FAM149B1: variants seen among roughly 807,000 people sequenced by gnomAD.
FAM149B1 encodes the protein primary cilium assembly protein FAM149B1.
A neutral mutation model predicts 75.3 loss-of-function variants in FAM149B1; 56 were observed. That is an observed-to-expected ratio of 0.74 (90% CI 0.60 to 0.93). The LOEUF (loss-of-function observed/expected upper bound fraction) is 0.93. Ranked by LOEUF, FAM149B1 falls within the 40% of genes least tolerant of loss-of-function variation. The pLI is 0.00. For missense variants in FAM149B1, 639 were observed against 708.4 expected, an observed-to-expected ratio of 0.90 and a Z score of 1.11; for synonymous variants, 259 against 256.1, an observed-to-expected ratio of 1.01 and a Z score of -0.11.
At chr10:73,201,109 GA>G in intron 5 of FAM149B1, 2 of 278,118 alleles carry the variant, frequency 7.2e-6, no homozygotes, top group South Asian at 4.9e-5. Context: ...CAATTTGGTA[GA>G]AAAGGTGTGG....
chr10:73,239,443 TTGTC>T, intron 13 of FAM149B1, 59 bp downstream of exon 13: 1 of 1,304,718 alleles, frequency 7.7e-7, no homozygotes, highest in East Asian at 2.5e-5. Context: ...GACCCAGCCT[TTGTC>T]TTTTTTCCTA....
Position 73,191,283 on chromosome 10 carries a change from C to T in FAM149B1, c.283-1273C>T, listed in dbSNP as rs185781660. Reference sequence around the variant, plus strand: ...TCGAACTCCTGACTTCAGGATCTCCCGCCTCGGCCTCCCAAATTGCTGGGA... The same window carrying T: ...TCGAACTCCTGACTTCAGGATCTCCTGCCTCGGCCTCCCAAATTGCTGGGA... On this transcript the variant is annotated intron_variant, in intron 3 of 13. Coordinates refer to ENST00000242505, the MANE Select transcript of FAM149B1 (RefSeq NM_173348.2). Among the ~76,000 whole-genome samples the T allele has an allele frequency of 2.6e-3, 396 of 150,762 alleles. 2 individuals are homozygous for T. Among genetic ancestry groups the T allele is most frequent in the African/African-American group, 8.3e-3 (341 of 40,968 alleles).
chr10:73,204,450 T>TA (rs900476787), intron 5 of FAM149B1, among the ~76,000 whole-genome samples: 34 of 151,050 alleles, frequency 2.3e-4, no homozygotes, highest in African/African-American at 5.1e-4. Flanking sequence ...ATTTTCCTAA[T>TA]AAAAAAAAAT....
chr10:73,242,146 A>C lies in FAM149B1; in HGVS notation c.*1127A>C, dbSNP rs1361202584. 1.3e-5 allele frequency: 2 copies of C among 152,208 alleles called. No homozygotes were observed. Among genetic ancestry groups the C allele is most frequent in the African/African-American group, 2.4e-5 (1 of 41,454 alleles). The allele number at this position is 152,208 out of a possible 1,614,324, so 9.4% of individuals were successfully genotyped here. A position where few individuals can be genotyped will look rare whatever the true frequency, so the allele number is the denominator to read the frequency against. On this transcript the variant is annotated 3_prime_UTR_variant, in exon 14 of 14. Transcript: ENST00000242505. ...TGCTTCAAACAACCTGCATTAAATT[A>C]TATTTTTAATAAAATTAAAATCTAT...
intron 7 of FAM149B1, among the ~76,000 whole-genome samples, chr10:73,221,610 C>T (rs1213670897): frequency 6.6e-6 from 1 of 151,920 alleles, no homozygotes; most frequent in African/African-American, 2.4e-5. Context: ...CTATGATGTG[C>T]CTTAATGTAG....
At position 73,192,556 on chromosome 10, in the gene FAM149B1, G is replaced by A. The variant is rs1252321585; in HGVS notation, c.283G>A (p.Glu95Lys). 1 of 1,549,780 alleles carries A rather than the reference G, an allele frequency of 6.5e-7. No homozygotes were observed. Among genetic ancestry groups the A allele is most frequent in the Non-Finnish European group, 8.7e-7 (1 of 1,146,468 alleles). The change falls in exon 4 of 14, where the codon GAA (glutamate) becomes AAA (lysine). Residue 95 changes from glutamate (E) to lysine (K), a missense_variant and splice_region_variant. Physicochemically the swap from Glu to Lys is moderately conservative, Grantham distance 56. Transcript: ENST00000242505. ...GSSDFSWGYG[E>K]LDQNATEKVQ... ...ATTTGGGGGGAATATTTTCTTCTAG[G>A]AACTCGATCAAAATGCCACTGAAAA...
chr10:73,187,899 A>G (rs1480189010), intron 3 of FAM149B1, among the ~76,000 whole-genome samples: 1 of 152,064 alleles, frequency 6.6e-6, no homozygotes, highest in Non-Finnish European at 1.5e-5. Flanking sequence ...CCTGGCCAAC[A>G]TGGTGAAACC....
At chr10:73,188,149 G>A (rs143162443) in intron 3 of FAM149B1, among the ~76,000 whole-genome samples, 24 of 152,236 alleles carry the variant, frequency 1.6e-4, no homozygotes, top group African/African-American at 2.4e-5. Flanking sequence ...CAATAGAACA[G>A]AATTGAGAGT....
chr10:73,177,751 C>T, intron 2 of FAM149B1, 95 bp from the exon 3 acceptor site: 1 of 1,048,738 alleles, frequency 9.5e-7, no homozygotes, highest in South Asian at 1.4e-5. Context: ...ACATGTTAAT[C>T]ACCTAGTAAG....
At chr10:73,226,984 A>G (rs975635741) in intron 7 of FAM149B1, among the ~76,000 whole-genome samples, 2 of 152,104 alleles carry the variant, frequency 1.3e-5, no homozygotes, top group Non-Finnish European at 2.9e-5. Flanking sequence ...AGTATATAAA[A>G]CTCTGGTGAA....
chr10:73,198,494 A>C (rs1165855415), intron 5 of FAM149B1, among the ~76,000 whole-genome samples: 1 of 152,186 alleles, frequency 6.6e-6, no homozygotes, highest in Non-Finnish European at 1.5e-5. Context: ...ATAATCTATA[A>C]CCTAACAACA....
chr10:73,171,850 G>A (rs1156469392), intron 1 of FAM149B1, among the ~76,000 whole-genome samples: 4 of 151,856 alleles, frequency 2.6e-5, no homozygotes, highest in Non-Finnish European at 5.9e-5. Flanking sequence ...GGATGGTCTC[G>A]ATCTCCTGAC....
At chr10:73,179,613 T>A (rs1192422563) in intron 3 of FAM149B1, among the ~76,000 whole-genome samples, 2 of 151,612 alleles carry the variant, frequency 1.3e-5, no homozygotes, top group Admixed American at 6.6e-5. Context: ...GATCTGGAAC[T>A]CCTGGCCTCA....
intron 9 of FAM149B1, among the ~76,000 whole-genome samples, chr10:73,231,878 C>T (rs751767603): frequency 1.4e-4 from 21 of 149,894 alleles, no homozygotes; most frequent in Non-Finnish European, 2.8e-4. Flanking sequence ...GAACATAGGG[C>T]AGCTAAAGCC....
intron 5 of FAM149B1, among the ~76,000 whole-genome samples, chr10:73,197,493 G>C (rs2042833089): frequency 6.6e-6 from 1 of 152,202 alleles, no homozygotes; most frequent in African/African-American, 2.4e-5. Context: ...ATTCCAGCCA[G>C]GCACGGTGGC....
At chr10:73,226,888 A>G (rs563754876) in intron 7 of FAM149B1, among the ~76,000 whole-genome samples, 25 of 152,206 alleles carry the variant, frequency 1.6e-4, no homozygotes, top group Admixed American at 1.6e-3. Context: ...AACTTTCCCA[A>G]CCTCTATGTG....
At chr10:73,202,759 C>T (rs1255879877) in intron 5 of FAM149B1, among the ~76,000 whole-genome samples, 1 of 151,584 alleles carries the variant, frequency 6.6e-6, no homozygotes, top group African/African-American at 2.4e-5. Context: ...GGTGCAATCT[C>T]AGCTCATTAC....
intron 5 of FAM149B1, among the ~76,000 whole-genome samples, chr10:73,207,072 G>T (rs2043080948): frequency 6.6e-6 from 1 of 151,356 alleles, no homozygotes; most frequent in Non-Finnish European, 1.5e-5. Context: ...GAAAGCCTGG[G>T]TGCCCAGGCA....
At chr10:73,221,815 A>C (rs1371894022) in intron 7 of FAM149B1, among the ~76,000 whole-genome samples, 2 of 152,056 alleles carry the variant, frequency 1.3e-5, no homozygotes, top group Non-Finnish European at 2.9e-5. Flanking sequence ...GCTTTAAAAA[A>C]ATTTTTTTTG....
Sources: allele counts gnomAD v4.1 joint callset (sites outside exome capture counted in the v4.1 genomes callset), GRCh38; gene constraint gnomAD v4.1.1; transcripts MANE v1.5; gene names NCBI Gene and HGNC (gene_info 2026-07-23, HGNC 2026-07-21).